The following LPIN1 variants were observed in gnomAD, a reference collection of about 807,000 sequenced individuals.
LPIN1 encodes the protein phosphatidate phosphatase LPIN1.
Under a neutral mutation model 107.5 loss-of-function variants are expected in LPIN1, and 71 were observed. The ratio of observed to expected loss-of-function variants is 0.66; its 90% CI spans 0.55 to 0.80. The LOEUF is 0.80. LPIN1 is among the 30% of genes least tolerant of loss of function. The probability of loss-of-function intolerance (pLI) is 0.00; values close to 1 mark genes in which losing one functional copy is unlikely to be tolerated. For missense variants in LPIN1, 1,043 were observed against 1,160.6 expected, an observed-to-expected ratio of 0.90 and a Z score of 1.47; for synonymous variants, 445 against 452.6, an observed-to-expected ratio of 0.98 and a Z score of 0.21.
rs1296176807 is a variant in LPIN1 at position 11,728,697 on chromosome 2, A to G, written c.-72+4158A>G. On this transcript the variant is annotated intron_variant, in intron 1 of 21. Coordinates refer to the LPIN1 transcript ENST00000396097. ...GGCCTAGCTGTTTTATATTTGTGCTATCTGTTCTTTGTTTTTTTTCTCTTT... is the reference window on the plus strand; with the variant it reads ...GGCCTAGCTGTTTTATATTTGTGCTGTCTGTTCTTTGTTTTTTTTCTCTTT... Among the ~76,000 whole-genome samples the G allele has an allele frequency of 3.9e-5, 6 of 151,920 alleles. 1 individual carries two copies. Among genetic ancestry groups the G allele is most frequent in the Admixed American group, 1.3e-4 (2 of 15,266 alleles).
chr2:11,760,575 G>T (rs1289028505), intron 1 of LPIN1, among the ~76,000 whole-genome samples: 1 of 152,232 alleles, frequency 6.6e-6, no homozygotes, highest in Admixed American at 6.5e-5. Context: ...CAGGCACTCG[G>T]CAGGTTGAGG....
At chr2:11,769,627 G>A (rs1671531616) in intron 3 of LPIN1, among the ~76,000 whole-genome samples, 1 of 151,728 alleles carries the variant, frequency 6.6e-6, no homozygotes, top group South Asian at 2.1e-4. Context: ...CCTTTTTAAT[G>A]TATTCTGTTT....
chr2:11,725,038 G>A (rs1314723881), intron 1 of LPIN1, among the ~76,000 whole-genome samples: 1 of 152,184 alleles, frequency 6.6e-6, no homozygotes, highest in East Asian at 1.9e-4. Context: ...GAGGCGGGCG[G>A]ATCACAAGGT....
At chr2:11,804,997 T>A (rs1261756163) in intron 16 of LPIN1, 73 bp from the exon 17 acceptor site, 21 of 903,092 alleles carry the variant, frequency 2.3e-5, no homozygotes, top group Non-Finnish European at 3.4e-5. Context: ...TTTTTTTTTT[T>A]TATGAGGCAT....
chr2:11,696,632 G>A (rs1662596324), intron 1 of LPIN1, among the ~76,000 whole-genome samples: 1 of 152,176 alleles, frequency 6.6e-6, no homozygotes, highest in Non-Finnish European at 1.5e-5. Flanking sequence ...CAGGATGTCT[G>A]GTGAGCAGAC....
chr2:11,791,653 G>A (rs1222656633), intron 12 of LPIN1: 3 of 1,297,594 alleles, frequency 2.3e-6, no homozygotes, highest in Non-Finnish European at 3.0e-6. Flanking sequence ...TTTTGTTGTT[G>A]TTGTTGTGTT....
intron 1 of LPIN1, among the ~76,000 whole-genome samples, chr2:11,758,769 C>T (rs1271016358): frequency 6.6e-6 from 1 of 152,268 alleles, no homozygotes; most frequent in South Asian, 2.1e-4. Flanking sequence ...TAGGAAAATA[C>T]TCCAGACCAA....
intron 9 of LPIN1, 148 bp downstream of exon 9, chr2:11,784,070 T>A (rs1431444232): frequency 6.7e-6 from 9 of 1,336,196 alleles, no homozygotes; most frequent in Admixed American, 4.1e-5. Flanking sequence ...TTTGGGAGGC[T>A]GAGGTGGGCG....
intron 1 of LPIN1, among the ~76,000 whole-genome samples, chr2:11,685,411 T>C (rs1189022584): frequency 6.6e-6 from 1 of 152,200 alleles, no homozygotes; most frequent in African/African-American, 2.4e-5. Flanking sequence ...GCAGACATGA[T>C]GGACCTGTTG....
At chr2:11,698,417 A>G (rs916935444) in intron 1 of LPIN1, among the ~76,000 whole-genome samples, 1 of 152,144 alleles carries the variant, frequency 6.6e-6, no homozygotes, top group Non-Finnish European at 1.5e-5. Context: ...TCTTCCGGGA[A>G]ACGTAGGAAC....
At position 11,786,332 on chromosome 2, in the gene LPIN1, A is replaced by G; in HGVS notation, c.1550-742A>G. Among the ~76,000 whole-genome samples the G allele has an allele frequency of 6.6e-6, 1 of 152,094 alleles. No individual in the cohort carries two copies. On this transcript the variant is annotated intron_variant, in intron 10 of 20. Transcript: ENST00000674199. This position sits in a 1 kb window ranked among gnomAD's most constrained non-coding sequence, Gnocchi z 4.1. ...TGGGTTTCGGTTCGGTTCAGGGTAAATAGGAGCTCCCAGGGAAGGAGTGGG... is the reference window on the plus strand; with the variant it reads ...TGGGTTTCGGTTCGGTTCAGGGTAAGTAGGAGCTCCCAGGGAAGGAGTGGG...
At chr2:11,721,415 G>A (rs1664137753), upstream of LPIN1, among the ~76,000 whole-genome samples, 1 of 151,932 alleles carries the variant, frequency 6.6e-6, no homozygotes, top group African/African-American at 2.4e-5. Context: ...GTTTCCCATT[G>A]TGTCACTGTC....
intron 1 of LPIN1, among the ~76,000 whole-genome samples, chr2:11,730,810 T>G (rs1441897895): frequency 6.6e-6 from 1 of 152,180 alleles, no homozygotes; most frequent in East Asian, 1.9e-4. Context: ...CAGTTTGGTT[T>G]GTCAGAGGAA....
At chr2:11,721,725 CT>C (rs1425961336), upstream of LPIN1, 1 of 152,258 alleles carries the variant, frequency 6.6e-6, no homozygotes, top group Non-Finnish European at 1.5e-5. Context: ...ATGGGCAAAT[CT>C]ACAACTCAGA....
chr2:11,712,593 A>G (rs75509826), intron 1 of LPIN1, among the ~76,000 whole-genome samples: 426 of 152,282 alleles, frequency 2.8e-3, no homozygotes, highest in Non-Finnish European at 4.6e-3. Context: ...AACACCATTA[A>G]CTAACAGTCA....
intron 4 of LPIN1, among the ~76,000 whole-genome samples, chr2:11,773,119 C>T (rs2358041): frequency 0.41 from 62,681 of 152,042 alleles, 13,918 homozygotes; most frequent in African/African-American, 0.59. Context: ...ATACCTGAAA[C>T]GAGGTCATTT....
chr2:11,763,883 C>T (rs572074869), intron 1 of LPIN1, among the ~76,000 whole-genome samples: 1 of 151,658 alleles, frequency 6.6e-6, no homozygotes, highest in East Asian at 2.0e-4. Context: ...AGCGCCAGCT[C>T]CTCTGATGCA....
chr2:11,716,522 G>A lies in LPIN1; in HGVS notation c.138+2710G>A, dbSNP rs114446635. Reference sequence around the variant, plus strand: ...GACTGTGCCACTGTACTAGGCACTGGGGACACAGTGATGAGTGTGTCATGG... The same window carrying A: ...GACTGTGCCACTGTACTAGGCACTGAGGACACAGTGATGAGTGTGTCATGG... On this transcript the variant is annotated intron_variant, in intron 2 of 21. Coordinates refer to the LPIN1 transcript ENST00000449576. Among the ~76,000 whole-genome samples, 640 of 151,822 alleles carry A rather than the reference G, an allele frequency of 4.2e-3. 3 individuals are homozygous for A. The highest frequency in any genetic ancestry group is 0.015 in the African/African-American group (609 of 41,350).
chr2:11,732,277 CAG>C (rs902981297), intron 1 of LPIN1, among the ~76,000 whole-genome samples: 3 of 152,156 alleles, frequency 2.0e-5, no homozygotes, highest in Non-Finnish European at 4.4e-5. Flanking sequence ...ATATTTATAA[CAG>C]AAAGAAATAC....
Sources: gnomAD v4.1 joint callset for allele counts (sites outside exome capture counted in the v4.1 genomes callset) on GRCh38, gnomAD v4.1.1 for gene constraint, Gnocchi (gnomAD v3.1) non-coding constraint, MANE v1.5 for transcripts, NCBI Gene and HGNC (gene_info 2026-07-23, HGNC 2026-07-21) for gene names.